CADM2: variants seen among roughly 807,000 people sequenced by gnomAD.
CADM2 encodes the protein immunoglobulin superfamily member 4D.
CADM2 carries 12 observed loss-of-function variants against 49.8 expected under a neutral mutation model. The ratio of observed to expected loss-of-function variants is 0.24; its 90% CI spans 0.15 to 0.39. CADM2 has a LOEUF of 0.39. CADM2 is among the 10% of genes least tolerant of loss of function. The pLI, the probability that CADM2 is intolerant of heterozygous loss-of-function variation, is 1.00. For synonymous variants in CADM2, 214 were observed against 175.4 expected (o/e 1.22, Z -1.74); for missense variants, 378 against 492.3 (o/e 0.77, Z 2.20).
At position 85,105,208 on chromosome 3, in the gene CADM2, C is replaced by T. The variant is rs1015650669; in HGVS notation, c.61+145540C>T. Among the ~76,000 whole-genome samples, 6 of 152,068 alleles carry T rather than the reference C, an allele frequency of 3.9e-5. No homozygotes were observed. The East Asian group carries it at 7.8e-4, about 20-fold the overall frequency. ...TGCAACCTACTCATCTGACAAAGGG[C>T]TAATATGCAGAATCTACAATGAACT... On this transcript the variant is annotated intron_variant, in intron 1 of 9. Coordinates refer to ENST00000383699, the MANE Select transcript of CADM2 (RefSeq NM_001167675.2).
chr3:85,268,675 G>C (rs920654602), intron 1 of CADM2, among the ~76,000 whole-genome samples: 17 of 151,368 alleles, frequency 1.1e-4, no homozygotes, highest in African/African-American at 4.1e-4. Context: ...GCAATTGACT[G>C]AATGCCATAT....
intron 8 of CADM2, among the ~76,000 whole-genome samples, chr3:86,041,286 C>A (rs568448762): frequency 2.8e-4 from 42 of 152,224 alleles, no homozygotes; most frequent in African/African-American, 8.7e-4. Flanking sequence ...TACAGACTGG[C>A]AAATTGGATA....
intron 1 of CADM2, among the ~76,000 whole-genome samples, chr3:85,668,247 T>C (rs2065629355): frequency 6.8e-6 from 1 of 146,020 alleles, no homozygotes; most frequent in African/African-American, 2.6e-5. Flanking sequence ...ATTACTGTTA[T>C]CTTCCCTGAG....
At chr3:85,155,439 G>T (rs1386155551) in intron 1 of CADM2, among the ~76,000 whole-genome samples, 1 of 152,066 alleles carries the variant, frequency 6.6e-6, no homozygotes, top group Non-Finnish European at 1.5e-5. Context: ...GATTCATAAA[G>T]CAAGTCCTGA....
intron 3 of CADM2, among the ~76,000 whole-genome samples, chr3:85,871,014 A>G (rs1211372970): frequency 6.6e-6 from 1 of 152,244 alleles, no homozygotes; most frequent in Non-Finnish European, 1.5e-5. Context: ...TGCCAAAAGC[A>G]ATCACAACAA....
At chr3:85,208,752 T>C (rs564296750) in intron 1 of CADM2, among the ~76,000 whole-genome samples, 9 of 152,286 alleles carry the variant, frequency 5.9e-5, no homozygotes, top group African/African-American at 2.2e-4. Flanking sequence ...AATCTCTGAT[T>C]CACTTATTTT....
At chr3:85,469,432 A>G (rs534830612) in intron 1 of CADM2, among the ~76,000 whole-genome samples, 2 of 152,250 alleles carry the variant, frequency 1.3e-5, no homozygotes, top group African/African-American at 4.8e-5. Context: ...GTGGACAGAC[A>G]CGCCATGCAG....
At chr3:86,048,634 A>G (rs551156078) in intron 8 of CADM2, among the ~76,000 whole-genome samples, 2 of 152,292 alleles carry the variant, frequency 1.3e-5, no homozygotes, top group Non-Finnish European at 2.9e-5. Context: ...TGCTAAGCCA[A>G]TATGATATAT....
chr3:86,002,512 C>T (rs796378853), intron 8 of CADM2, among the ~76,000 whole-genome samples: 1 of 152,168 alleles, frequency 6.6e-6, no homozygotes, highest in East Asian at 1.9e-4. Context: ...TGAAAGGCCT[C>T]ATTCACCAAC....
intron 1 of CADM2, among the ~76,000 whole-genome samples, chr3:85,447,183 T>A (rs2037509873): frequency 6.6e-6 from 1 of 151,452 alleles, no homozygotes; most frequent in Non-Finnish European, 1.5e-5. Context: ...AGGAAAAGTG[T>A]CAAATATTGG....
chr3:85,005,934 G>A (rs1265876029), intron 1 of CADM2, among the ~76,000 whole-genome samples: 1 of 152,076 alleles, frequency 6.6e-6, no homozygotes, highest in Non-Finnish European at 1.5e-5. Context: ...TTTTAACTGA[G>A]TGGGAGTCTA....
At chr3:85,080,172 T>G (rs1342367731) in intron 1 of CADM2, among the ~76,000 whole-genome samples, 2 of 151,996 alleles carry the variant, frequency 1.3e-5, no homozygotes, top group Admixed American at 6.6e-5. Context: ...TCTTTATACC[T>G]TGGTCGGTTC....
intron 3 of CADM2, among the ~76,000 whole-genome samples, chr3:85,865,269 C>T (rs1308952583): frequency 1.3e-5 from 2 of 152,170 alleles, no homozygotes; most frequent in African/African-American, 4.8e-5. Flanking sequence ...TTCACTCCCT[C>T]GGAACAAACT....
chr3:85,925,284 G>C (rs570086087), intron 6 of CADM2, among the ~76,000 whole-genome samples: 2 of 152,078 alleles, frequency 1.3e-5, no homozygotes, highest in Non-Finnish European at 2.9e-5. Flanking sequence ...TATTTTTGCA[G>C]ATGTATAACA....
chr3:85,526,745 A>G (rs1390171712), intron 1 of CADM2, among the ~76,000 whole-genome samples: 2 of 152,172 alleles, frequency 1.3e-5, no homozygotes, highest in African/African-American at 4.8e-5. Flanking sequence ...TTTCATATCA[A>G]CTTGTATGAA....
chr3:85,563,089 A>T (rs2107188910), intron 1 of CADM2, among the ~76,000 whole-genome samples: 1 of 152,276 alleles, frequency 6.6e-6, no homozygotes, highest in Non-Finnish European at 1.5e-5. Context: ...TAATTAGAAA[A>T]TTATTAGATA....
chr3:85,881,017 A>G (rs1712678991), intron 3 of CADM2, among the ~76,000 whole-genome samples: 1 of 152,046 alleles, frequency 6.6e-6, no homozygotes, highest in Admixed American at 6.6e-5. Flanking sequence ...GACTCTAATG[A>G]TATCACTGAT....
chr3:85,274,915 G>A (rs1226907313), intron 1 of CADM2, among the ~76,000 whole-genome samples: 1 of 151,410 alleles, frequency 6.6e-6, no homozygotes, highest in Admixed American at 6.6e-5. Context: ...GAAAGTGCAG[G>A]GGAGTAAGGC....
chr3:85,152,148 C>T (rs1429843492), intron 1 of CADM2, among the ~76,000 whole-genome samples: 1 of 152,120 alleles, frequency 6.6e-6, no homozygotes, highest in East Asian at 1.9e-4. Flanking sequence ...ATTATTACTT[C>T]ACTTTTCAGC....
Sources: gnomAD v4.1 joint callset for allele counts (sites outside exome capture counted in the v4.1 genomes callset) on GRCh38, gnomAD v4.1.1 for gene constraint, MANE v1.5 for transcripts, NCBI Gene and HGNC (gene_info 2026-07-23, HGNC 2026-07-21) for gene names.